CES2: variants seen among roughly 807,000 people sequenced by gnomAD.
CES2 encodes carboxylesterase 2.
A neutral mutation model predicts 52.1 loss-of-function variants in CES2; 42 were observed. The ratio of observed to expected loss-of-function variants is 0.81; its 90% CI spans 0.63 to 1.04. CES2 has a LOEUF of 1.04. CES2 is among the 50% of genes least tolerant of loss of function. CES2 has a pLI of 0.00. For synonymous variants in CES2, 277 were observed against 289.6 expected, an observed-to-expected ratio of 0.96 and a Z score of 0.44; for missense variants, 656 against 724.3, an observed-to-expected ratio of 0.91 and a Z score of 1.08.
Position 66,940,558 on chromosome 16 carries a change from G to C in CES2, c.679G>C (p.Glu227Gln). 1.9e-6 allele frequency: 3 copies of C among 1,614,218 alleles called. No individual in the cohort carries two copies. The highest frequency in any genetic ancestry group is 2.5e-6 in the Non-Finnish European group (3 of 1,180,032). The change falls in exon 5 of 12, where the codon GAG becomes CAG. Residue 227 changes from glutamate (E) to glutamine (Q), a missense_variant. Transcript: ENST00000317091. ...CCCTGACCGTGTCACCATTTTTGGC[G>C]AGTCTGCGGGTGGCACGAGTGTGTC... ...GNPDRVTIFG[E>Q]SAGGTSVSSL...
At position 66,940,453 on chromosome 16, in the gene CES2, G is replaced by A. The variant is rs537562880; in HGVS notation, c.574G>A (p.Ala192Thr). The stretch of plus-strand genomic sequence containing the variant: ...ACTTCTCAGCACTGGAGACAAGCAC[G>A]CAACCGGCAACTGGGGCTACCTGGA... Reference protein sequence around the residue: ...LGFFSTGDKHATGNWGYLDQV... With the variant: ...LGFFSTGDKHTTGNWGYLDQV... The change falls in exon 5 of 12, where the codon GCA becomes ACA. Residue 192 changes from alanine (A) to threonine (T), a missense_variant. Transcript: ENST00000317091. 1.5e-5 allele frequency: 24 copies of A among 1,614,200 alleles called. No homozygotes were observed. The highest frequency in any genetic ancestry group is 1.6e-4 in the Middle Eastern group (1 of 6,062).
intron 2 of CES2, among the ~76,000 whole-genome samples, chr16:66,938,722 CATGTATATGTAT>C: frequency 6.6e-6 from 1 of 152,214 alleles, no homozygotes. Flanking sequence ...GGCCAAGAGA[CATGTATATGTAT>C]ATGTATATGT....
intron 6 of CES2, 52 bp downstream of exon 6, chr16:66,941,274 C>T: frequency 6.3e-7 from 1 of 1,598,654 alleles, no homozygotes; most frequent in Non-Finnish European, 8.5e-7. Flanking sequence ...AGGCATGGGG[C>T]TGGCAGGCCT....
chr16:66,940,600 C>G lies in CES2; in HGVS notation c.721C>G (p.Pro241Ala). 3.1e-6 allele frequency: 5 copies of G among 1,614,208 alleles called. No individual in the cohort carries two copies. Among genetic ancestry groups the G allele is most frequent in the Non-Finnish European group, 4.2e-6 (5 of 1,180,034 alleles). The change falls in exon 5 of 12, where the codon CCC becomes GCC. Residue 241 changes from proline (P) to alanine (A), a missense_variant. Coordinates refer to ENST00000317091, the MANE Select transcript of CES2 (RefSeq NM_001365405.1). ...GTSVSSLVVS[P>A]ISQGLFHGAI... is the part of the protein sequence containing the mutation. Reference sequence around the variant, plus strand: ...GAGTGTGTCTTCGCTTGTTGTGTCCCCCATATCCCAAGGACTCTTCCACGG... The same window carrying G: ...GAGTGTGTCTTCGCTTGTTGTGTCCGCCATATCCCAAGGACTCTTCCACGG...
In CES2 at chr16:66,943,310, G is replaced by A; in HGVS notation, c.1432G>A (p.Glu478Lys). The A allele has an allele frequency of 1.9e-6, 3 of 1,614,132 alleles. No homozygotes were observed. Among genetic ancestry groups the A allele is most frequent in the Non-Finnish European group, 2.5e-6 (3 of 1,180,008 alleles). ...CTTCCTCTTGGCAGTTAAATTCACT[G>A]AGGAAGAGGAGCAGCTAAGCAGGAA... ...FFGGNYIKFT[E>K]EEEQLSRKMM... Residue 478 changes from glutamate (E) to lysine (K), a missense_variant, in exon 11 of 12, where the codon GAG becomes AAG. Glu to Lys is a moderately conservative substitution (Grantham distance 56). Transcript: ENST00000317091. The surrounding 1 kb of genome is among the most constrained non-coding windows in gnomAD (Gnocchi z 4.2).
At position 66,943,198 on chromosome 16, in the gene CES2, C is replaced by T. The variant is rs1963405979; in HGVS notation, c.1421-101C>T. 3 of 1,189,894 alleles carry T rather than the reference C, an allele frequency of 2.5e-6. No homozygotes were observed. The highest frequency in any genetic ancestry group is 1.4e-5 in the South Asian group (1 of 72,394). 73.7% of individuals were successfully genotyped at this position (1,189,894 alleles called of 1,614,324 possible). On this transcript the variant is annotated intron_variant, in intron 10 of 11. Coordinates refer to ENST00000317091, the MANE Select transcript of CES2 (RefSeq NM_001365405.1). This position sits in a 1 kb window ranked among gnomAD's most constrained non-coding sequence, Gnocchi z 4.2. The stretch of plus-strand genomic sequence containing the variant: ...GGCAGTGGAAGAAAAAGCGGAGAAG[C>T]AGGACTGGGGACCGAGGTCTCGGGG...
chr16:66,935,385 C>A, upstream of CES2: 1 of 1,518,846 alleles, frequency 6.6e-7, no homozygotes, highest in Non-Finnish European at 8.9e-7. Context: ...GCCAAAGGAG[C>A]CCGGGCAAAG....
intron 1 of CES2, chr16:66,936,088 A>T: frequency 1.0e-6 from 1 of 988,272 alleles, no homozygotes; most frequent in East Asian, 6.0e-5. Flanking sequence ...TAACAGTAAT[A>T]GCTTCTGGCA....
chr16:66,935,549 C>T lies in CES2; in HGVS notation c.-87C>T. The T allele has an allele frequency of 6.2e-7, 1 of 1,614,128 alleles. No individual in the cohort carries two copies. On this transcript the variant is annotated 5_prime_UTR_variant, in exon 1 of 12. Coordinates refer to ENST00000317091, the MANE Select transcript of CES2 (RefSeq NM_001365405.1). Reference sequence around the variant, plus strand: ...CCAAACTCCAAGGCTGGGCAAGGCACTGATCCACTGCTGGACAGACCCGGG... The same window carrying T: ...CCAAACTCCAAGGCTGGGCAAGGCATTGATCCACTGCTGGACAGACCCGGG...
At chr16:66,936,663 G>T (rs1447116674) in intron 1 of CES2, among the ~76,000 whole-genome samples, 1 of 152,172 alleles carries the variant, frequency 6.6e-6, no homozygotes, top group Non-Finnish European at 1.5e-5. Flanking sequence ...TCAGAAGCTG[G>T]GGGAGTGTTT....
At position 66,941,066 on chromosome 16, in the gene CES2, G is replaced by A; in HGVS notation, c.817-58G>A. 2.5e-6 allele frequency: 4 copies of A among 1,604,598 alleles called. No individual in the cohort carries two copies. In the South Asian group the frequency reaches 4.4e-5, roughly 18 times the overall value. ...CCCCTGTTCTTGGCCAGGGCCTTGG[G>A]CAAACTCCTCTCCTCTACCTGGAAG... On this transcript the variant is annotated intron_variant, in intron 5 of 11. Coordinates refer to ENST00000317091, the MANE Select transcript of CES2 (RefSeq NM_001365405.1).
chr16:66,935,990 G>A, intron 1 of CES2: 1 of 1,379,118 alleles, frequency 7.3e-7, no homozygotes, highest in Non-Finnish European at 9.4e-7. Flanking sequence ...GGCAGCCTGG[G>A]GTCGGAGTGG....
Position 66,938,130 on chromosome 16 carries a change from C to T in CES2, c.170C>T (p.Thr57Ile). Reference protein sequence around the residue: ...HVKGANAGVQTFLGIPFAKPP... With the variant: ...HVKGANAGVQIFLGIPFAKPP... ...AAGGGCGCCAATGCCGGGGTCCAAA[C>T]CTTCCTGGGAATTCCATTTGCCAAG... Residue 57 changes from threonine (T) to isoleucine (I), a missense_variant, in exon 2 of 12, where the codon ACC becomes ATC. Thr to Ile is a moderately conservative substitution (Grantham distance 89). Transcript: ENST00000317091. 6.2e-7 allele frequency: 1 copy of T among 1,614,186 alleles called. No individual in the cohort carries two copies. The highest frequency in any genetic ancestry group is 8.5e-7 in the Non-Finnish European group (1 of 1,180,034).
intron 1 of CES2, among the ~76,000 whole-genome samples, chr16:66,937,077 G>C (rs1677997514): frequency 1.3e-5 from 2 of 151,792 alleles, no homozygotes; most frequent in Non-Finnish European, 2.9e-5. Flanking sequence ...TACTCAGGAG[G>C]CTGTGGCGGG....
At chr16:66,937,317 T>A (rs952322995) in intron 1 of CES2, among the ~76,000 whole-genome samples, 1 of 152,094 alleles carries the variant, frequency 6.6e-6, no homozygotes, top group Non-Finnish European at 1.5e-5. Flanking sequence ...GCCATCAAAG[T>A]CCCCATGGCC....
intron 9 of CES2, 183 bp from the exon 10 acceptor site, chr16:66,942,464 AC>A (rs1963390655): frequency 1.2e-6 from 1 of 805,210 alleles, no homozygotes; most frequent in Non-Finnish European, 1.9e-6. Flanking sequence ...ACCTTCAGTG[AC>A]TTGCCCAAGA....
In CES2 at chr16:66,940,217, C is replaced by T. The variant is rs1327517759; in HGVS notation, c.424-5C>T. 1 of 1,613,592 alleles carries T rather than the reference C, an allele frequency of 6.2e-7. No individual in the cohort carries two copies. Among genetic ancestry groups the T allele is most frequent in the South Asian group, 1.1e-5 (1 of 90,998 alleles). On this transcript the variant is annotated splice_region_variant and splice_polypyrimidine_tract_variant and intron_variant, in intron 3 of 11. Coordinates refer to ENST00000317091, the MANE Select transcript of CES2 (RefSeq NM_001365405.1). ...GCATCATGGTAGCTGCCTTGATTTC[C>T]CCAGGTGATGGTGTGGATCCACGGT...
At chr16:66,938,997 G>A (rs902856913) in intron 2 of CES2, among the ~76,000 whole-genome samples, 1 of 152,178 alleles carries the variant, frequency 6.6e-6, no homozygotes, top group Non-Finnish European at 1.5e-5. Context: ...GATACCCAAG[G>A]TCCTCAGTAA....
At chr16:66,942,974 G>A (rs1321399497) in intron 10 of CES2, among the ~76,000 whole-genome samples, 189 bp downstream of exon 10, 1 of 152,238 alleles carries the variant, frequency 6.6e-6, no homozygotes, top group Non-Finnish European at 1.5e-5. Flanking sequence ...ACTGTGAGCT[G>A]TGCTCCCTCT....
Sources: allele counts gnomAD v4.1 joint callset (sites outside exome capture counted in the v4.1 genomes callset), GRCh38; gene constraint gnomAD v4.1.1; non-coding constraint Gnocchi (gnomAD v3.1); transcripts MANE v1.5; gene names NCBI Gene and HGNC (gene_info 2026-07-23, HGNC 2026-07-21).